TRIM63: variants seen among roughly 807,000 people sequenced by gnomAD.
The protein encoded by TRIM63 is tripartite motif containing 63, also known as E3 ubiquitin-protein ligase TRIM63.
Under a neutral mutation model 46.0 loss-of-function variants are expected in TRIM63, and 48 were observed. That is an observed-to-expected ratio of 1.04 (90% CI 0.83 to 1.33). The LOEUF is 1.33. TRIM63 is among the 40% of genes most tolerant of loss of function. The pLI is 0.00. For synonymous variants in TRIM63, 175 were observed against 162.8 expected, an observed-to-expected ratio of 1.08 and a Z score of -0.57; for missense variants, 455 against 441.2, an observed-to-expected ratio of 1.03 and a Z score of -0.28.
chr1:26,058,304 A>G, intron 5 of TRIM63, 86 bp downstream of exon 5: 2 of 1,220,750 alleles, frequency 1.6e-6, no homozygotes, highest in East Asian at 2.3e-5. Flanking sequence ...CCAAGGGCCC[A>G]TGGGTGGTCA....
chr1:26,062,635 C>T (rs2050636464), intron 2 of TRIM63, among the ~76,000 whole-genome samples: 1 of 152,252 alleles, frequency 6.6e-6, no homozygotes, highest in Non-Finnish European at 1.5e-5. Flanking sequence ...GCCCAAGTCT[C>T]TTCCTCTACT....
At chr1:26,060,458 C>T (rs1177100046) in intron 3 of TRIM63, 97 bp from the exon 4 acceptor site, 2 of 898,314 alleles carry the variant, frequency 2.2e-6, no homozygotes, top group South Asian at 1.4e-5. Flanking sequence ...TCCCTCCCCT[C>T]TCTGCTAGAA....
chr1:26,055,711 G>A (rs765919026), intron 7 of TRIM63, among the ~76,000 whole-genome samples: 27 of 151,870 alleles, frequency 1.8e-4, no homozygotes, highest in Non-Finnish European at 3.4e-4. Flanking sequence ...GGGTTTCTCC[G>A]TGTTGGTCAG....
At chr1:26,061,657 T>C (rs2050627016) in intron 2 of TRIM63, among the ~76,000 whole-genome samples, 1 of 152,050 alleles carries the variant, frequency 6.6e-6, no homozygotes, top group Non-Finnish European at 1.5e-5. Context: ...AATTCCAGAG[T>C]CAGACCTGGA....
chr1:26,058,612 G>T lies in TRIM63; in HGVS notation c.609C>A (p.His203Gln), dbSNP rs554651232. The T allele has an allele frequency of 5.0e-6, 8 of 1,613,988 alleles. No individual in the cohort carries two copies. The highest frequency in any genetic ancestry group is 6.8e-6 in the Non-Finnish European group (8 of 1,180,022). The change falls in exon 5 of 9, where the codon CAC becomes CAA. Residue 203 changes from histidine (H) to glutamine (Q), a missense_variant. Physicochemically the swap from His to Gln is conservative, Grantham distance 24. Transcript: ENST00000374272. ...TCTGGCTCAGCTCTTCCTTTACCTG[G>T]TGACTGTTCTCCTGAGGACGGAAGT... The part of the protein sequence containing the change: ...DSRRVTKENS[H>Q]QVKEELSQKF...
At chr1:26,061,439 G>T (rs2050625535) in intron 2 of TRIM63, 105 bp from the exon 3 acceptor site, 1 of 1,245,744 alleles carries the variant, frequency 8.0e-7, no homozygotes. Context: ...GAGGCAGGAG[G>T]ATTGCTCAGC....
chr1:26,053,190 C>T (rs1015118085), intron 8 of TRIM63, among the ~76,000 whole-genome samples: 2 of 151,826 alleles, frequency 1.3e-5, no homozygotes, highest in Admixed American at 6.6e-5. Context: ...GCAATCCTCC[C>T]GCCTCAGCCT....
intron 6 of TRIM63, 127 bp downstream of exon 6, chr1:26,057,501 A>T: frequency 7.1e-7 from 1 of 1,398,938 alleles, no homozygotes; most frequent in South Asian, 1.4e-5. Flanking sequence ...CAGGGATGCA[A>T]AGGGTCAGGG....
chr1:26,058,398 A>T lies in TRIM63; in HGVS notation c.823T>A (p.Phe275Ile). The change falls in exon 5 of 9, where the codon TTC becomes ATC. Residue 275 changes from phenylalanine (F) to isoleucine (I), a missense_variant. Physicochemically the swap from Phe to Ile is conservative, Grantham distance 21 (BLOSUM62 0). Coordinates refer to ENST00000374272, the MANE Select transcript of TRIM63 (RefSeq NM_032588.4). The part of the protein sequence containing the change: ...QSLDEPGGAT[F>I]LLTAKQLIKS... ...CTTCTAGTCCTGCTCACCAAGAGGA[A>T]GGTGGCTCCCCCAGGCTCGTCCAGG... is the stretch of plus-strand genomic sequence containing the variant. 6.2e-7 allele frequency: 1 copy of T among 1,613,952 alleles called. No individual in the cohort carries two copies. The highest frequency in any genetic ancestry group is 1.1e-5 in the South Asian group (1 of 91,066).
At chr1:26,060,179 G>T in intron 4 of TRIM63, 87 bp downstream of exon 4, 1 of 1,262,676 alleles carries the variant, frequency 7.9e-7, no homozygotes, top group Non-Finnish European at 1.1e-6. Flanking sequence ...CCAACCTTTA[G>T]CCACAACCTA....
chr1:26,067,480 C>G lies in TRIM63; in HGVS notation c.15G>C (p.Ser5=). The part of the protein sequence containing the change: MDYK[S]SLIQDGNPME... ...TGGGATTCCCATCCTGGATCAGGCT[C>G]GACTTATAATCCATTCTGTGGGAAG... Residue 5 remains serine (S), a synonymous_variant, in exon 1 of 9, where the codon TCG becomes TCC. Coordinates refer to ENST00000374272, the MANE Select transcript of TRIM63 (RefSeq NM_032588.4). 1 of 1,614,038 alleles carries G rather than the reference C, an allele frequency of 6.2e-7. No homozygotes were observed.
chr1:26,058,751 CAGA>C (rs1334234703), intron 4 of TRIM63, 128 bp from the exon 5 acceptor site: 1 of 722,170 alleles, frequency 1.4e-6, no homozygotes, highest in Admixed American at 2.5e-5. Context: ...CCCCACACTA[CAGA>C]AGAAGAAACA....
chr1:26,056,467 A>AT (rs1415175937), intron 7 of TRIM63, among the ~76,000 whole-genome samples: 2 of 152,072 alleles, frequency 1.3e-5, no homozygotes, highest in Admixed American at 6.6e-5. Flanking sequence ...TTGATATCTG[A>AT]TTTTTTGCAA....
chr1:26,053,293 C>T (rs887591281), intron 8 of TRIM63, among the ~76,000 whole-genome samples: 3 of 151,320 alleles, frequency 2.0e-5, no homozygotes, highest in African/African-American at 7.3e-5. Context: ...ACTCTTGTCA[C>T]CCAGGCTGGA....
intron 8 of TRIM63, 61 bp downstream of exon 8, chr1:26,053,832 A>G: frequency 7.9e-7 from 1 of 1,266,322 alleles, no homozygotes; most frequent in Non-Finnish European, 1.1e-6. Flanking sequence ...TACAGTAGGC[A>G]CCTCAGATTG....
chr1:26,059,904 G>T (rs11811759), intron 4 of TRIM63, among the ~76,000 whole-genome samples: 1 of 152,136 alleles, frequency 6.6e-6, no homozygotes, highest in East Asian at 1.9e-4. Context: ...TAATTTTCAC[G>T]CACTTCAAAG....
In TRIM63 at chr1:26,057,298, A is replaced by G. The variant is rs371698195; in HGVS notation, c.884T>C (p.Leu295Pro). The G allele has an allele frequency of 9.3e-6, 15 of 1,614,060 alleles. No individual in the cohort carries two copies. Among genetic ancestry groups the G allele is most frequent in the Middle Eastern group, 1.6e-4 (1 of 6,074 alleles). ...SIVEASKGCQ[L>P]GKTEQGFENM... ...CTCAAAGCCCTGCTCTGTCTTCCCC[A>G]GCTGGCAGCCCTTGGAAGCTTCCAC... Residue 295 changes from leucine (L) to proline (P), a missense_variant, in exon 7 of 9, where the codon CTG becomes CCG. Coordinates refer to ENST00000374272, the MANE Select transcript of TRIM63 (RefSeq NM_032588.4).
intron 7 of TRIM63, among the ~76,000 whole-genome samples, 172 bp from the exon 8 acceptor site, chr1:26,054,136 C>A (rs577799848): frequency 6.6e-6 from 1 of 152,352 alleles, no homozygotes; most frequent in Admixed American, 6.5e-5. Flanking sequence ...CAGACCCACG[C>A]TGCACAGAGG....
rs765232269 is a variant in TRIM63 at position 26,060,291 on chromosome 1, A to G, written c.572T>C (p.Leu191Pro). 5 of 1,614,048 alleles carry G rather than the reference A, an allele frequency of 3.1e-6. No homozygotes were observed. The South Asian group carries it at 3.3e-5, about 11-fold the overall frequency. The change falls in exon 4 of 9, where the codon CTG (leucine) becomes CCG (proline). Residue 191 changes from leucine to proline, a missense_variant. Physicochemically the swap from Leu to Pro is moderately conservative, Grantham distance 98. Transcript: ENST00000374272. ...CTTGGTCACTCGACGGGAATCCTCC[A>G]GCTGAGTGATGATGGTCTGCACACG... The part of the protein sequence containing the change: ...NDRVQTIITQ[L>P]EDSRRVTKEN...
Sources: gnomAD v4.1 joint callset for allele counts (sites outside exome capture counted in the v4.1 genomes callset) on GRCh38, gnomAD v4.1.1 for gene constraint, MANE v1.5 for transcripts, NCBI Gene and HGNC (gene_info 2026-07-23, HGNC 2026-07-21) for gene names.